Variants in NR2F1-AS1 observed in about 807,000 individuals in gnomAD.
NR2F1-AS1 encodes NR2F1 antisense RNA 1.
At chr5:93,545,723 T>C (rs1157394717) in intron 4 of NR2F1-AS1, among the ~76,000 whole-genome samples, 2 of 152,262 alleles carry the variant, frequency 1.3e-5, no homozygotes, top group African/African-American at 2.4e-5. Flanking sequence ...TAGCACCTAC[T>C]TAACCTACTC....
chr5:93,420,568 G>GT (rs1749068330), intron 4 of NR2F1-AS1, among the ~76,000 whole-genome samples: 1 of 152,256 alleles, frequency 6.6e-6, no homozygotes. Context: ...TGGGAGCAGG[G>GT]AATTTAAAAA....
intron 4 of NR2F1-AS1, among the ~76,000 whole-genome samples, chr5:93,527,080 C>T (rs1044943310): frequency 2.0e-5 from 3 of 152,102 alleles, no homozygotes; most frequent in African/African-American, 7.2e-5. Context: ...GATGACATGA[C>T]TGTATATTTA....
intron 4 of NR2F1-AS1, among the ~76,000 whole-genome samples, chr5:93,499,138 A>T (rs1751023987): frequency 6.6e-6 from 1 of 152,206 alleles, no homozygotes; most frequent in African/African-American, 2.4e-5. Context: ...AGATTTGGTA[A>T]GAAATGTCAT....
At chr5:93,472,082 G>C (rs1270525020) in intron 4 of NR2F1-AS1, among the ~76,000 whole-genome samples, 1 of 151,744 alleles carries the variant, frequency 6.6e-6, no homozygotes, top group African/African-American at 2.4e-5. Context: ...AGCTCAGAGA[G>C]ATTAGATAAC....
intron 4 of NR2F1-AS1, among the ~76,000 whole-genome samples, chr5:93,416,667 C>G (rs1030364602): frequency 2.0e-5 from 3 of 152,138 alleles, no homozygotes; most frequent in Admixed American, 2.0e-4. Flanking sequence ...GGAAAACAGA[C>G]TTTAAGAGAT....
intron 4 of NR2F1-AS1, among the ~76,000 whole-genome samples, chr5:93,465,427 CAG>C (rs1324001210): frequency 3.3e-5 from 5 of 152,164 alleles, no homozygotes; most frequent in South Asian, 2.1e-4. Context: ...CAGGAAACAA[CAG>C]ATGCTGGAGA....
At position 93,545,088 on chromosome 5, in the gene NR2F1-AS1, G is replaced by T. The variant is rs114052680; in HGVS notation, n.638+8673C>A. On this transcript the variant is annotated intron_variant and non_coding_transcript_variant, in intron 4 of 5. Coordinates refer to ENST00000660523, the Ensembl canonical transcript of NR2F1-AS1. The stretch of plus-strand genomic sequence containing the variant: ...ATTGGATATTAAAGACTTAGTAGGA[G>T]CAGTGTGAGGACAGTTTAGCAGGGC... Among the ~76,000 whole-genome samples the T allele has an allele frequency of 5.4e-3, 821 of 152,234 alleles. 5 individuals carry two copies. The highest frequency in any genetic ancestry group is 0.019 in the African/African-American group (789 of 41,534).
rs145515726 is a variant in NR2F1-AS1 at position 93,480,974 on chromosome 5, T to G, written n.638+72787A>C. On this transcript the variant is annotated intron_variant and non_coding_transcript_variant, in intron 4 of 5. Coordinates refer to ENST00000660523, the Ensembl canonical transcript of NR2F1-AS1. ...AAATTGAGAAACAAAAAAGACATGA[T>G]ATATAGAAAATAAATAGCAAAATGG... is the stretch of plus-strand genomic sequence containing the variant. Among the ~76,000 whole-genome samples, 234 of 152,112 alleles carry G rather than the reference T, an allele frequency of 1.5e-3. 1 individual carries two copies. Among genetic ancestry groups the G allele is most frequent in the African/African-American group, 5.2e-3 (218 of 41,554 alleles).
chr5:93,549,160 C>G (rs969082347), intron 4 of NR2F1-AS1, among the ~76,000 whole-genome samples: 1 of 151,916 alleles, frequency 6.6e-6, no homozygotes, highest in Non-Finnish European at 1.5e-5. Flanking sequence ...GTAGCCAAAG[C>G]ATAAATTCAA....
intron 4 of NR2F1-AS1, among the ~76,000 whole-genome samples, chr5:93,478,804 C>T (rs1253330060): frequency 6.6e-6 from 1 of 152,128 alleles, no homozygotes; most frequent in Non-Finnish European, 1.5e-5. Context: ...ATTGATGATC[C>T]TCATGTTTTA....
At chr5:93,547,825 C>T (rs1272473065) in intron 4 of NR2F1-AS1, among the ~76,000 whole-genome samples, 1 of 152,092 alleles carries the variant, frequency 6.6e-6, no homozygotes, top group East Asian at 1.9e-4. Context: ...CTAGAATAGG[C>T]ATACCAATGT....
At chr5:93,419,424 T>C (rs1214626067) in intron 4 of NR2F1-AS1, among the ~76,000 whole-genome samples, 1 of 152,238 alleles carries the variant, frequency 6.6e-6, no homozygotes, top group Non-Finnish European at 1.5e-5. Flanking sequence ...CTGGGCACAG[T>C]GGCGTGCACC....
chr5:93,484,083 T>C (rs1750662826), intron 4 of NR2F1-AS1, among the ~76,000 whole-genome samples: 1 of 152,078 alleles, frequency 6.6e-6, no homozygotes, highest in Non-Finnish European at 1.5e-5. Context: ...AACATTCAAA[T>C]TCAGGAAATA....
At chr5:93,533,401 T>C (rs189029834) in intron 4 of NR2F1-AS1, among the ~76,000 whole-genome samples, 1 of 152,258 alleles carries the variant, frequency 6.6e-6, no homozygotes, top group Admixed American at 6.5e-5. Flanking sequence ...TGCACACAAT[T>C]TATCAGGAAT....
intron 4 of NR2F1-AS1, among the ~76,000 whole-genome samples, chr5:93,447,941 T>C (rs576164608): frequency 6.6e-6 from 1 of 152,096 alleles, no homozygotes; most frequent in East Asian, 1.9e-4. Flanking sequence ...GAGCAAACTA[T>C]AGCAAGGACA....
At chr5:93,458,735 C>T (rs746274504) in intron 4 of NR2F1-AS1, among the ~76,000 whole-genome samples, 4 of 152,094 alleles carry the variant, frequency 2.6e-5, no homozygotes, top group African/African-American at 7.2e-5. Flanking sequence ...ACAGGCCGGG[C>T]GCAGTGGCTC....
intron 4 of NR2F1-AS1, among the ~76,000 whole-genome samples, chr5:93,455,890 C>T (rs114460688): frequency 0.017 from 2,560 of 151,850 alleles, 79 homozygotes; most frequent in African/African-American, 0.059. Context: ...GAGAAAGCAT[C>T]TGACAAAATC....
chr5:93,493,224 A>G (rs1236905864), intron 4 of NR2F1-AS1, among the ~76,000 whole-genome samples: 1 of 152,144 alleles, frequency 6.6e-6, no homozygotes, highest in Non-Finnish European at 1.5e-5. Context: ...CACAAAAATC[A>G]GTTGTGTTTT....
chr5:93,428,976 ATAT>A (rs1473713953), intron 4 of NR2F1-AS1, among the ~76,000 whole-genome samples: 1 of 152,192 alleles, frequency 6.6e-6, no homozygotes, highest in African/African-American at 2.4e-5. Context: ...TGAACAAATA[ATAT>A]TATGGCTTTG....
Sources: gnomAD v4.1 joint callset for allele counts (sites outside exome capture counted in the v4.1 genomes callset) on GRCh38, gnomAD v4.1.1 for gene constraint, MANE v1.5 for transcripts, NCBI Gene and HGNC (gene_info 2026-07-23, HGNC 2026-07-21) for gene names.